KCNMA1: variants seen among roughly 807,000 people sequenced by gnomAD.
KCNMA1 encodes potassium calcium-activated channel subfamily M alpha 1, also known as Calcium-activated potassium channel subunit alpha-1.
In KCNMA1, 29 loss-of-function variants were observed where a neutral mutation model predicts 140.0. The ratio of observed to expected loss-of-function variants is 0.21; its 90% CI spans 0.15 to 0.28. The LOEUF (loss-of-function observed/expected upper bound fraction) is 0.28. KCNMA1 is among the 10% of genes least tolerant of loss of function. The pLI, the probability that KCNMA1 is intolerant of heterozygous loss-of-function variation, is 1.00. For missense variants in KCNMA1, 880 were observed against 1,602.2 expected (o/e 0.55, Z 7.70); for synonymous variants, 612 against 611.9 (o/e 1.00, Z 0.00).
intron 12 of KCNMA1, among the ~76,000 whole-genome samples, chr10:77,083,749 C>T (rs1277038475): frequency 2.1e-5 from 3 of 145,318 alleles, no homozygotes; most frequent in African/African-American, 7.7e-5. Flanking sequence ...GTGAGAGGAT[C>T]GTTTGGGCTC....
At chr10:77,438,280 A>T (rs1029093421) in intron 1 of KCNMA1, among the ~76,000 whole-genome samples, 4 of 152,088 alleles carry the variant, frequency 2.6e-5, no homozygotes, top group Non-Finnish European at 5.9e-5. Context: ...TTTCTAAAAA[A>T]CGTAGTACCA....
chr10:77,342,841 G>A (rs566772176), intron 2 of KCNMA1, among the ~76,000 whole-genome samples: 1 of 152,306 alleles, frequency 6.6e-6, no homozygotes, highest in Non-Finnish European at 1.5e-5. Flanking sequence ...GCAGAGCCGA[G>A]CCCCATCACT....
chr10:77,438,792 G>GTGTAGTGGCCCAGGTGGCTCATGCC (rs1192620503), intron 1 of KCNMA1, among the ~76,000 whole-genome samples: 1 of 152,016 alleles, frequency 6.6e-6, no homozygotes, highest in African/African-American at 2.4e-5. Flanking sequence ...ACAAGGCCGA[G>GTGTAGTGGCCCAGGTGGCTCATGCC]TGTAGTGGCC....
At chr10:77,082,306 T>G (rs959595920) in intron 12 of KCNMA1, among the ~76,000 whole-genome samples, 5 of 152,058 alleles carry the variant, frequency 3.3e-5, no homozygotes, top group African/African-American at 1.2e-4. Flanking sequence ...GGATTACAGG[T>G]GTAAGCCACT....
At chr10:77,086,746 C>G (rs1467626975) in intron 10 of KCNMA1, among the ~76,000 whole-genome samples, 153 bp from the exon 11 acceptor site, 1 of 152,160 alleles carries the variant, frequency 6.6e-6, no homozygotes, top group East Asian at 1.9e-4. Flanking sequence ...AAGACTCACA[C>G]TCAAGAGAAG....
intron 19 of KCNMA1, among the ~76,000 whole-genome samples, chr10:76,990,829 A>G (rs1172140350): frequency 1.3e-5 from 2 of 152,236 alleles, no homozygotes; most frequent in African/African-American, 4.8e-5. Flanking sequence ...AGCATTTCAG[A>G]ACCATTCAAA....
intron 1 of KCNMA1, among the ~76,000 whole-genome samples, chr10:77,564,087 A>G (rs2067311901): frequency 6.6e-6 from 1 of 152,250 alleles, no homozygotes. Flanking sequence ...GCTAAAGTCC[A>G]AGAGATATTG....
chr10:77,468,251 T>G (rs567483913), intron 1 of KCNMA1, among the ~76,000 whole-genome samples: 38 of 152,248 alleles, frequency 2.5e-4, no homozygotes, highest in African/African-American at 8.7e-4. Context: ...TGTCAGGGGA[T>G]TCTGTCAGAA....
At chr10:77,233,215 C>T (rs868458155) in intron 3 of KCNMA1, among the ~76,000 whole-genome samples, 1 of 152,166 alleles carries the variant, frequency 6.6e-6, no homozygotes, top group Non-Finnish European at 1.5e-5. Context: ...ACTCTCAATT[C>T]TATTCCACTG....
chr10:77,315,041 T>C (rs959692531), intron 2 of KCNMA1, among the ~76,000 whole-genome samples: 14 of 152,264 alleles, frequency 9.2e-5, no homozygotes, highest in Non-Finnish European at 5.9e-5. Flanking sequence ...TCATTTCTTA[T>C]GATGTTGGTG....
chr10:77,422,650 T>G (rs1460186556), intron 1 of KCNMA1, among the ~76,000 whole-genome samples: 1 of 152,242 alleles, frequency 6.6e-6, no homozygotes, highest in Non-Finnish European at 1.5e-5. Context: ...TTTGCAGATG[T>G]AATCAAGTTA....
At chr10:77,334,294 G>C (rs376984205) in intron 2 of KCNMA1, among the ~76,000 whole-genome samples, 31 of 152,242 alleles carry the variant, frequency 2.0e-4, no homozygotes, top group African/African-American at 7.5e-4. Context: ...GACTCTTTAA[G>C]AATCACTCTA....
At chr10:77,484,386 GT>G (rs2098438137) in intron 1 of KCNMA1, among the ~76,000 whole-genome samples, 1 of 152,228 alleles carries the variant, frequency 6.6e-6, no homozygotes, top group Non-Finnish European at 1.5e-5. Context: ...AGAAGTTGCC[GT>G]CCCCCATCAT....
At chr10:77,417,954 A>G (rs750802602) in intron 1 of KCNMA1, among the ~76,000 whole-genome samples, 7 of 152,196 alleles carry the variant, frequency 4.6e-5, no homozygotes, top group Non-Finnish European at 8.8e-5. Context: ...CTGAGGAACC[A>G]GGCTCCCAGA....
At chr10:77,110,022 C>G in intron 8 of KCNMA1, 151 bp downstream of exon 8, 1 of 733,390 alleles carries the variant, frequency 1.4e-6, no homozygotes, top group Non-Finnish European at 2.4e-6. Flanking sequence ...AGAAAAGTCA[C>G]CATCGTGTTT....
At chr10:77,348,599 G>C (rs890227961) in intron 2 of KCNMA1, among the ~76,000 whole-genome samples, 1 of 152,234 alleles carries the variant, frequency 6.6e-6, no homozygotes, top group Non-Finnish European at 1.5e-5. Flanking sequence ...AGCTTGGGCT[G>C]CTGGGATCCG....
intron 19 of KCNMA1, among the ~76,000 whole-genome samples, chr10:76,980,966 C>T (rs2079243397): frequency 6.6e-6 from 1 of 152,106 alleles, no homozygotes; most frequent in African/African-American, 2.4e-5. Flanking sequence ...AATTAGAGTA[C>T]CTATCTAATA....
At chr10:77,252,554 T>TGTGTGTGTGTGC (rs1565504729) in intron 2 of KCNMA1, among the ~76,000 whole-genome samples, 1 of 151,720 alleles carries the variant, frequency 6.6e-6, no homozygotes, top group African/African-American at 2.4e-5. Flanking sequence ...TGTGTGTGTG[T>TGTGTGTGTGTGC]GTGCGGGCAC....
At chr10:77,139,165 A>G (rs991151556) in intron 5 of KCNMA1, among the ~76,000 whole-genome samples, 3 of 152,218 alleles carry the variant, frequency 2.0e-5, no homozygotes, top group African/African-American at 7.2e-5. Flanking sequence ...TAAGAAGGGT[A>G]TTGGATACTA....
Sources: gnomAD v4.1 joint callset for allele counts (sites outside exome capture counted in the v4.1 genomes callset) on GRCh38, gnomAD v4.1.1 for gene constraint, MANE v1.5 for transcripts, NCBI Gene and HGNC (gene_info 2026-07-23, HGNC 2026-07-21) for gene names.